The following CDKAL1 variants were observed in gnomAD, a reference collection of about 807,000 sequenced individuals.
The protein encoded by CDKAL1 is CDKAL1 threonylcarbamoyladenosine tRNA methylthiotransferase.
A neutral mutation model predicts 68.2 loss-of-function variants in CDKAL1; 32 were observed. That is an observed-to-expected ratio of 0.47 (90% CI 0.35 to 0.63). CDKAL1 has a LOEUF of 0.63. Among genes scored for constraint, CDKAL1 ranks in the 30% least tolerant of loss-of-function variants. The pLI is 0.00. For missense variants in CDKAL1, 606 were observed against 696.7 expected, an observed-to-expected ratio of 0.87 and a Z score of 1.47; for synonymous variants, 234 against 244.3, an observed-to-expected ratio of 0.96 and a Z score of 0.39.
intron 9 of CDKAL1, among the ~76,000 whole-genome samples, chr6:20,913,134 C>CACAT (rs1762545949): frequency 6.8e-6 from 1 of 147,854 alleles, no homozygotes; most frequent in African/African-American, 2.6e-5. Flanking sequence ...CACACACACA[C>CACAT]ACACACACAC....
At chr6:20,730,170 A>G (rs980346319) in intron 5 of CDKAL1, among the ~76,000 whole-genome samples, 4 of 151,998 alleles carry the variant, frequency 2.6e-5, no homozygotes, top group Admixed American at 6.6e-5. Flanking sequence ...AACAAAAATC[A>G]AAAAGTATCT....
chr6:20,818,667 A>G (rs1777149290), intron 8 of CDKAL1, among the ~76,000 whole-genome samples: 1 of 151,406 alleles, frequency 6.6e-6, no homozygotes, highest in Non-Finnish European at 1.5e-5. Flanking sequence ...CAGATACATT[A>G]ATCTTAAGTA....
intron 5 of CDKAL1, among the ~76,000 whole-genome samples, chr6:20,737,069 A>G (rs1773229674): frequency 1.3e-5 from 2 of 152,062 alleles, no homozygotes; most frequent in Non-Finnish European, 2.9e-5. Flanking sequence ...CAATTACAGA[A>G]ATTATTTCTA....
At chr6:21,127,153 C>T (rs986994629) in intron 13 of CDKAL1, among the ~76,000 whole-genome samples, 2 of 151,986 alleles carry the variant, frequency 1.3e-5, no homozygotes, top group African/African-American at 4.8e-5. Context: ...AAGATTTTTA[C>T]CCCAGGAACT....
chr6:20,827,256 G>T (rs568641240), intron 8 of CDKAL1, among the ~76,000 whole-genome samples: 1 of 152,036 alleles, frequency 6.6e-6, no homozygotes, highest in Non-Finnish European at 1.5e-5. Flanking sequence ...CCATTCCTTG[G>T]CTTCATCTCT....
intron 13 of CDKAL1, among the ~76,000 whole-genome samples, chr6:21,122,064 C>A (rs1047718193): frequency 3.3e-5 from 5 of 152,096 alleles, no homozygotes; most frequent in South Asian, 2.1e-4. Context: ...CATTTAAAAA[C>A]CTTTATTAAT....
intron 8 of CDKAL1, among the ~76,000 whole-genome samples, chr6:20,824,268 G>A (rs547011541): frequency 6.6e-6 from 1 of 152,268 alleles, no homozygotes; most frequent in South Asian, 2.1e-4. Context: ...GGCTTGACAA[G>A]TCTAAAGGCC....
intron 13 of CDKAL1, among the ~76,000 whole-genome samples, chr6:21,112,807 A>C (rs1333626962): frequency 6.6e-6 from 1 of 152,174 alleles, no homozygotes; most frequent in East Asian, 1.9e-4. Flanking sequence ...CCTTTTTAAA[A>C]CAGCTCAGAA....
At chr6:21,076,571 T>TACATGAGTAAATA (rs1772087844) in intron 12 of CDKAL1, among the ~76,000 whole-genome samples, 1 of 152,222 alleles carries the variant, frequency 6.6e-6, no homozygotes, top group East Asian at 1.9e-4. Flanking sequence ...ATAACAGAAT[T>TACATGAGTAAATA]ACATTATTTA....
Position 20,704,212 on chromosome 6 carries a change from G to A in CDKAL1, c.372-35307G>A, listed in dbSNP as rs560777557. ...CACCAAGTGCTTTTTTAAGACCTGG[G>A]GATCGATAATAGCAATGAAGGAAGC... On this transcript the variant is annotated intron_variant, in intron 5 of 15. Coordinates refer to ENST00000274695, the MANE Select transcript of CDKAL1 (RefSeq NM_017774.3). 5.6e-4 allele frequency among the ~76,000 whole-genome samples: 85 copies of A among 152,186 alleles called. 1 individual carries two copies. The highest frequency in any genetic ancestry group is 2.0e-3 in the African/African-American group (83 of 41,520).
intron 11 of CDKAL1, among the ~76,000 whole-genome samples, chr6:21,008,532 G>C (rs1397998341): frequency 1.3e-5 from 2 of 152,168 alleles, no homozygotes; most frequent in African/African-American, 4.8e-5. Context: ...GCAAGCACTG[G>C]GCTGGGGGCT....
At chr6:21,030,349 G>A (rs1769207275) in intron 11 of CDKAL1, among the ~76,000 whole-genome samples, 1 of 152,148 alleles carries the variant, frequency 6.6e-6, no homozygotes, top group South Asian at 2.1e-4. Flanking sequence ...TGAGCGGAGG[G>A]AGAGCATTAG....
At chr6:20,628,408 G>A (rs545142617) in intron 4 of CDKAL1, among the ~76,000 whole-genome samples, 3 of 152,246 alleles carry the variant, frequency 2.0e-5, no homozygotes, top group African/African-American at 4.8e-5. Flanking sequence ...GAATGATAAA[G>A]TCTGACTGTT....
rs771714068 is a variant in CDKAL1 at position 20,739,513 on chromosome 6, T to G, written c.372-6T>G. ...AATTCACATTGTCTTCTCTTCAATC[T>G]TTTAGAAAAGCTCAAGAGGAGAACA... is the stretch of plus-strand genomic sequence containing the variant. On this transcript the variant is annotated splice_polypyrimidine_tract_variant and splice_region_variant and intron_variant, in intron 5 of 15. Coordinates refer to ENST00000274695, the MANE Select transcript of CDKAL1 (RefSeq NM_017774.3). 2.5e-6 allele frequency: 4 copies of G among 1,597,360 alleles called. No individual in the cohort carries two copies. The East Asian group carries it at 8.9e-5, about 36-fold the overall frequency.
intron 8 of CDKAL1, among the ~76,000 whole-genome samples, chr6:20,810,596 T>G (rs1176169267): frequency 6.7e-6 from 1 of 150,262 alleles, no homozygotes; most frequent in Non-Finnish European, 1.5e-5. Flanking sequence ...GACACTCTCT[T>G]TTTAAAAAAA....
At chr6:20,770,915 C>G (rs138396644) in intron 7 of CDKAL1, among the ~76,000 whole-genome samples, 1 of 152,120 alleles carries the variant, frequency 6.6e-6, no homozygotes, top group Non-Finnish European at 1.5e-5. Flanking sequence ...CTCCCTGAAG[C>G]CTTTCCTGAT....
At chr6:20,997,392 G>A (rs1581992939) in intron 10 of CDKAL1, among the ~76,000 whole-genome samples, 1 of 152,278 alleles carries the variant, frequency 6.6e-6, no homozygotes, top group Non-Finnish European at 1.5e-5. Context: ...GTTAAGTCAT[G>A]ATTCTCTCAG....
chr6:20,906,172 T>C (rs374175477), intron 9 of CDKAL1, among the ~76,000 whole-genome samples: 2 of 152,212 alleles, frequency 1.3e-5, no homozygotes, highest in East Asian at 3.8e-4. Context: ...AGTATTATTA[T>C]AACTTTGGTT....
At chr6:20,962,016 G>GT (rs1303555268) in intron 10 of CDKAL1, among the ~76,000 whole-genome samples, 9 of 152,196 alleles carry the variant, frequency 5.9e-5, no homozygotes, top group African/African-American at 2.2e-4. Context: ...TCTCAAAATT[G>GT]TATGAGAATT....
Sources: gnomAD v4.1 joint callset for allele counts (sites outside exome capture counted in the v4.1 genomes callset) on GRCh38, gnomAD v4.1.1 for gene constraint, MANE v1.5 for transcripts, NCBI Gene and HGNC (gene_info 2026-07-23, HGNC 2026-07-21) for gene names.